Variants in NFIA observed in about 807,000 individuals in gnomAD.
The protein encoded by NFIA is nuclear factor 1 A-type.
In NFIA, 8 loss-of-function variants were observed where a neutral mutation model predicts 62.8. That is an observed-to-expected ratio of 0.13 (90% CI 0.07 to 0.23). The LOEUF is 0.23. NFIA is among the 10% of genes least tolerant of loss of function. The probability of loss-of-function intolerance (pLI) is 1.00; values close to 1 mark genes in which losing one functional copy is unlikely to be tolerated. For synonymous variants in NFIA, 235 were observed against 238.1 expected, an observed-to-expected ratio of 0.99 and a Z score of 0.12; for missense variants, 410 against 642.1, an observed-to-expected ratio of 0.64 and a Z score of 3.91.
chr1:61,084,273 C>A (rs1035414869), intron 1 of NFIA, among the ~76,000 whole-genome samples: 1 of 152,208 alleles, frequency 6.6e-6, no homozygotes, highest in African/African-American at 2.4e-5. Flanking sequence ...TCCCACATGA[C>A]ATCCCTTCTT....
intron 2 of NFIA, among the ~76,000 whole-genome samples, chr1:61,207,017 A>C (rs1266262735): frequency 6.6e-6 from 1 of 152,202 alleles, no homozygotes; most frequent in East Asian, 1.9e-4. Flanking sequence ...GATAGATGTC[A>C]ACTCCATGCA....
intron 6 of NFIA, among the ~76,000 whole-genome samples, chr1:61,382,121 G>A (rs1018478489): frequency 1.3e-5 from 2 of 152,124 alleles, no homozygotes; most frequent in Non-Finnish European, 2.9e-5. Flanking sequence ...CCTTAAGAGA[G>A]CCCAAATTTG....
rs34853369 is a variant in NFIA, at chr1:61,358,379, C to CTTTTTTTTTTTTTTTTTTTTTTT, written c.819-765_819-743dup. On this transcript the variant is annotated intron_variant, in intron 5 of 10. Coordinates refer to ENST00000403491, the MANE Select transcript of NFIA (RefSeq NM_001134673.4). ...TCATTTTCTTTTCTTTTCTTTCTTT[C>CTTTTTTTTTTTTTTTTTTTTTTT]TTTTTTTTTTTTTTTTTTTTTTTTT... Among the ~76,000 whole-genome samples, 43 of 52,622 alleles carry CTTTTTTTTTTTTTTTTTTTTTTT rather than the reference C, an allele frequency of 8.2e-4. 1 individual carries two copies. Among genetic ancestry groups the CTTTTTTTTTTTTTTTTTTTTTTT allele is most frequent in the Non-Finnish European group, 1.1e-3 (34 of 31,570 alleles). 34.5% of individuals were successfully genotyped at this position (52,622 alleles called of 152,430 possible).
intron 5 of NFIA, 45 bp from the exon 6 acceptor site, chr1:61,359,102 G>C: frequency 6.2e-7 from 1 of 1,603,894 alleles, no homozygotes; most frequent in East Asian, 2.2e-5. Context: ...CCAAGAGAAA[G>C]GTGGTTGCGA....
intron 2 of NFIA, among the ~76,000 whole-genome samples, chr1:61,130,626 T>A (rs334734): frequency 6.6e-6 from 1 of 152,138 alleles, no homozygotes; most frequent in African/African-American, 2.4e-5. Context: ...AGTGGCAAAT[T>A]GCGAAGCTGT....
intron 2 of NFIA, among the ~76,000 whole-genome samples, chr1:61,181,658 A>G (rs986963057): frequency 1.3e-5 from 2 of 152,212 alleles, no homozygotes; most frequent in African/African-American, 2.4e-5. Flanking sequence ...CATGGCTGTG[A>G]TAGAACTGAT....
At chr1:61,317,876 C>T (rs1420918682) in intron 3 of NFIA, among the ~76,000 whole-genome samples, 1 of 152,026 alleles carries the variant, frequency 6.6e-6, no homozygotes, top group African/African-American at 2.4e-5. Flanking sequence ...TTTAAGTGTA[C>T]TATTTCATTA....
At chr1:61,319,043 G>A (rs899846410) in intron 3 of NFIA, among the ~76,000 whole-genome samples, 7 of 152,142 alleles carry the variant, frequency 4.6e-5, no homozygotes, top group Non-Finnish European at 7.4e-5. Context: ...AGCAGTGTCA[G>A]CAAGTATGGA....
intron 10 of NFIA, 118 bp from the exon 11 acceptor site, chr1:61,455,185 A>T: frequency 2.1e-6 from 2 of 961,374 alleles, no homozygotes; most frequent in South Asian, 1.5e-5. Context: ...TACTTTTCCC[A>T]GCGAATCCCT....
chr1:61,176,327 G>C (rs1209391638), intron 2 of NFIA, among the ~76,000 whole-genome samples: 3 of 152,058 alleles, frequency 2.0e-5, no homozygotes, highest in Non-Finnish European at 2.9e-5. Context: ...ATTTTAAGTT[G>C]GGGCGTAAAC....
Position 61,406,553 on chromosome 1 carries a change from C to CG in NFIA, c.1255-9_1255-8insG, listed in dbSNP as rs777624713. 1.1e-4 allele frequency: 142 copies of CG among 1,319,428 alleles called. 2 individuals are homozygous for CG. In the Admixed American group the frequency reaches 1.2e-3, roughly 11 times the overall value. The allele number at this position is 1,319,428 out of a possible 1,614,324, so 81.7% of individuals were successfully genotyped here. On this transcript the variant is annotated splice_polypyrimidine_tract_variant and intron_variant, in intron 8 of 10. Coordinates refer to ENST00000403491, the MANE Select transcript of NFIA (RefSeq NM_001134673.4). ...GTACGTGTGTTTTCTGCCCCCCCCC[C>CG]CCCCACAGCCCAATGGGAGCAGCCA...
intron 2 of NFIA, among the ~76,000 whole-genome samples, chr1:61,154,211 C>T (rs1377176110): frequency 3.9e-5 from 6 of 152,140 alleles, no homozygotes; most frequent in Admixed American, 6.5e-5. Context: ...GTGCGTGGTG[C>T]GATCTTGGCT....
At chr1:61,173,821 G>A (rs1262452226) in intron 2 of NFIA, among the ~76,000 whole-genome samples, 4 of 152,136 alleles carry the variant, frequency 2.6e-5, no homozygotes, top group Non-Finnish European at 4.4e-5. Context: ...TTCCAGCTGC[G>A]TAACCAGGAG....
chr1:61,243,661 C>A (rs539820456), intron 2 of NFIA, among the ~76,000 whole-genome samples: 2 of 152,168 alleles, frequency 1.3e-5, no homozygotes, highest in South Asian at 4.2e-4. Flanking sequence ...TTATTCGTAA[C>A]AAGTTATGAG....
intron 2 of NFIA, among the ~76,000 whole-genome samples, chr1:61,189,362 C>G (rs1260757839): frequency 1.3e-5 from 2 of 152,028 alleles, no homozygotes; most frequent in Non-Finnish European, 2.9e-5. Context: ...AGAGAGTGCT[C>G]TAGAGTGTGG....
rs1259149066 is a variant in NFIA, at chr1:61,249,539, C to A, written c.560-27981C>A. Among the ~76,000 whole-genome samples the A allele has an allele frequency of 2.0e-5, 3 of 152,136 alleles. No individual in the cohort carries two copies. The South Asian group carries it at 6.2e-4, about 31-fold the overall frequency. The stretch of plus-strand genomic sequence containing the variant: ...ATCCAAGCACTTTCAGAGGCCAAGG[C>A]AGGTGGATCCCAGCACTTTCGGAGG... On this transcript the variant is annotated intron_variant, in intron 2 of 10. Coordinates refer to ENST00000403491, the MANE Select transcript of NFIA (RefSeq NM_001134673.4).
chr1:61,238,036 A>G (rs1359853831), intron 2 of NFIA, among the ~76,000 whole-genome samples: 1 of 152,238 alleles, frequency 6.6e-6, no homozygotes, highest in East Asian at 1.9e-4. Context: ...TTCACAAATT[A>G]AATGGCAGAA....
intron 2 of NFIA, among the ~76,000 whole-genome samples, chr1:61,133,583 T>C (rs1647121727): frequency 6.6e-6 from 1 of 152,186 alleles, no homozygotes; most frequent in African/African-American, 2.4e-5. Context: ...CATTGCCTAG[T>C]GGGGGTACCA....
chr1:61,290,891 T>G (rs1349002470), intron 3 of NFIA, among the ~76,000 whole-genome samples: 1 of 152,212 alleles, frequency 6.6e-6, no homozygotes, highest in African/African-American at 2.4e-5. Flanking sequence ...GACTTTATGC[T>G]TGTGAACTCA....
Sources: gnomAD v4.1 joint callset for allele counts (sites outside exome capture counted in the v4.1 genomes callset) on GRCh38, gnomAD v4.1.1 for gene constraint, MANE v1.5 for transcripts, NCBI Gene and HGNC (gene_info 2026-07-23, HGNC 2026-07-21) for gene names.